ABTB3: variants seen among roughly 807,000 people sequenced by gnomAD.
The protein encoded by ABTB3 is ankyrin repeat and BTB domain containing 3, also known as ankyrin repeat- and BTB/POZ domain-containing protein 3.
At chr12:107,480,653 GC>G in the ABTB3 span, among the ~76,000 whole-genome samples, 1 of 152,176 alleles carries the variant, frequency 6.6e-6, no homozygotes, top group Non-Finnish European at 1.5e-5. Flanking sequence ...AAGGGTCGTG[GC>G]TCTAGTTACA....
At chr12:107,416,101 G>A in the ABTB3 span, among the ~76,000 whole-genome samples, 1 of 152,200 alleles carries the variant, frequency 6.6e-6, no homozygotes, top group Non-Finnish European at 1.5e-5. Context: ...CTGTGGTCAG[G>A]AACCGCAGAA....
chr12:107,605,338 T>C, the ABTB3 span, among the ~76,000 whole-genome samples: 203 of 152,294 alleles, frequency 1.3e-3, 2 homozygotes, highest in African/African-American at 4.8e-3. Flanking sequence ...GTAAATAAAA[T>C]AGTCACAAAC....
At chr12:107,494,803 C>A in the ABTB3 span, among the ~76,000 whole-genome samples, 1 of 152,198 alleles carries the variant, frequency 6.6e-6, no homozygotes, top group Non-Finnish European at 1.5e-5. Flanking sequence ...GCTGCAGCCG[C>A]CTGTTCTCCC....
At chr12:107,504,332 C>T in the ABTB3 span, among the ~76,000 whole-genome samples, 1 of 152,102 alleles carries the variant, frequency 6.6e-6, no homozygotes, top group Admixed American at 6.5e-5. Context: ...TTAACAGCAG[C>T]ATTTAGTCAG....
chr12:107,648,938 G>C, the ABTB3 span, among the ~76,000 whole-genome samples: 9 of 152,122 alleles, frequency 5.9e-5, no homozygotes, highest in Middle Eastern at 3.4e-3. Context: ...TTTGGTCTTG[G>C]GGGTGGGCAT....
the ABTB3 span, among the ~76,000 whole-genome samples, chr12:107,431,618 G>A: frequency 3.4e-5 from 5 of 146,076 alleles, no homozygotes; most frequent in East Asian, 2.3e-4. Context: ...CCCACTACCC[G>A]CCCCCGCACC....
chr12:107,630,761 C>T, the ABTB3 span, among the ~76,000 whole-genome samples: 1 of 152,212 alleles, frequency 6.6e-6, no homozygotes, highest in Non-Finnish European at 1.5e-5. Context: ...TTTTTTTAGG[C>T]CAGTTTTAGA....
chr12:107,579,037 G>T, the ABTB3 span, among the ~76,000 whole-genome samples: 1 of 152,226 alleles, frequency 6.6e-6, no homozygotes, highest in Non-Finnish European at 1.5e-5. Context: ...ATTTGCAGAG[G>T]CAGCGGGTAA....
the ABTB3 span, among the ~76,000 whole-genome samples, chr12:107,539,864 C>A: frequency 1.1e-4 from 16 of 152,238 alleles, no homozygotes; most frequent in South Asian, 3.3e-3. Flanking sequence ...TCCTCTGATC[C>A]CTGCTTAACT....
the ABTB3 span, among the ~76,000 whole-genome samples, chr12:107,521,307 A>G: frequency 7.3e-6 from 1 of 137,326 alleles, no homozygotes; most frequent in Non-Finnish European, 1.6e-5. Context: ...GTGTGTGTAT[A>G]AGGTTACCAT....
the ABTB3 span, among the ~76,000 whole-genome samples, chr12:107,561,778 C>G: frequency 7.2e-5 from 11 of 152,324 alleles, no homozygotes; most frequent in Admixed American, 5.9e-4. Context: ...TTACTCCCCC[C>G]TCTTACTCCT....
the ABTB3 span, chr12:107,617,106 G>C: frequency 6.2e-7 from 1 of 1,614,078 alleles, no homozygotes; most frequent in African/African-American, 1.3e-5. Context: ...TGGATGCTGG[G>C]GCCAAGGTGG....
the ABTB3 span, among the ~76,000 whole-genome samples, chr12:107,476,489 G>A: frequency 6.6e-6 from 1 of 152,092 alleles, no homozygotes; most frequent in African/African-American, 2.4e-5. Flanking sequence ...AAGGGTCTCG[G>A]TTTTGCCATC....
chr12:107,570,585 C>T, the ABTB3 span, among the ~76,000 whole-genome samples: 2 of 152,000 alleles, frequency 1.3e-5, no homozygotes, highest in African/African-American at 2.4e-5. Flanking sequence ...GGGTTTTTGT[C>T]AGTCCATTCT....
At chr12:107,334,006 C>T in the ABTB3 span, among the ~76,000 whole-genome samples, 4 of 152,132 alleles carry the variant, frequency 2.6e-5, no homozygotes, top group Non-Finnish European at 5.9e-5. Context: ...GAGGGAACAG[C>T]CAGTGTAAGG....
At chr12:107,544,627 G>A in the ABTB3 span, among the ~76,000 whole-genome samples, 1 of 152,190 alleles carries the variant, frequency 6.6e-6, no homozygotes, top group Non-Finnish European at 1.5e-5. Context: ...CATGGGGAAG[G>A]AAGGAACTGG....
the ABTB3 span, among the ~76,000 whole-genome samples, chr12:107,590,796 T>C: frequency 1.3e-5 from 2 of 152,210 alleles, no homozygotes; most frequent in Admixed American, 6.5e-5. Flanking sequence ...GGTATGTAGT[T>C]TGCCATGTGG....
At chr12:107,614,916 C>T in the ABTB3 span, 1 of 641,988 alleles carries the variant, frequency 1.6e-6, no homozygotes, top group Non-Finnish European at 2.7e-6. Flanking sequence ...AATCCCTGCC[C>T]TGTATCACCA....
the ABTB3 span, among the ~76,000 whole-genome samples, chr12:107,501,007 A>G: frequency 2.0e-5 from 3 of 152,238 alleles, no homozygotes; most frequent in South Asian, 2.1e-4. Flanking sequence ...AGCTCTACCT[A>G]TTGCCGGCTC....
Sources: allele counts gnomAD v4.1 joint callset (sites outside exome capture counted in the v4.1 genomes callset), GRCh38; gene constraint gnomAD v4.1.1; transcripts MANE v1.5; gene names NCBI Gene and HGNC (gene_info 2026-07-23, HGNC 2026-07-21).